Variants in SLC20A2 observed in about 807,000 individuals in gnomAD.
SLC20A2 encodes sodium-dependent phosphate transporter 2.
Under a neutral mutation model 61.0 loss-of-function variants are expected in SLC20A2, and 30 were observed. The ratio of observed to expected loss-of-function variants is 0.49; its 90% CI spans 0.37 to 0.67. SLC20A2 has a LOEUF of 0.67. SLC20A2 is among the 30% of genes least tolerant of loss of function. The probability of loss-of-function intolerance (pLI) is 0.00; values close to 1 mark genes in which losing one functional copy is unlikely to be tolerated. For synonymous variants in SLC20A2, 351 were observed against 353.3 expected (o/e 0.99, Z 0.07); for missense variants, 626 against 866.4 (o/e 0.72, Z 3.48).
chr8:42,489,504 A>G (rs1300235502), intron 1 of SLC20A2, among the ~76,000 whole-genome samples: 1 of 151,356 alleles, frequency 6.6e-6, no homozygotes. Context: ...TTCATTGAAA[A>G]CTGGATCTTT....
chr8:42,508,683 A>G (rs1302028538), intron 1 of SLC20A2, among the ~76,000 whole-genome samples: 2 of 151,992 alleles, frequency 1.3e-5, no homozygotes, highest in African/African-American at 4.8e-5. Context: ...GAGCCACCAC[A>G]CCCGGCCTGG....
chr8:42,437,422 C>G lies in SLC20A2; in HGVS notation c.1090G>C (p.Asp364His), dbSNP rs748895007. ...YKDLLHKIHI[D>H]RGPEEKPAQE... ...GCTGGCTTCTCCTCGGGGCCCCTGT[C>G]GATGTGGATTTTGTGCAGCAGATCT... Residue 364 changes from aspartate (D) to histidine (H), a missense_variant, in exon 8 of 11, where the codon GAC becomes CAC. This residue lies in a region of SLC20A2 where 361 missense variants were observed against 422.3 expected (regional missense o/e 0.85). Coordinates refer to ENST00000520262, the MANE Select transcript of SLC20A2 (RefSeq NM_001257180.2). This position sits in a 1 kb window ranked among gnomAD's most constrained non-coding sequence, Gnocchi z 6.4. 20 of 1,613,970 alleles carry G rather than the reference C, an allele frequency of 1.2e-5. No individual in the cohort carries two copies. Among genetic ancestry groups the G allele is most frequent in the Admixed American group, 3.3e-5 (2 of 59,994 alleles).
intron 10 of SLC20A2, among the ~76,000 whole-genome samples, chr8:42,422,421 G>A (rs1340580779): frequency 6.6e-6 from 1 of 152,180 alleles, no homozygotes; most frequent in East Asian, 1.9e-4. Context: ...TCGGTAAACA[G>A]ATTTCATTGT....
At chr8:42,432,008 G>C (rs370711337) in intron 8 of SLC20A2, among the ~76,000 whole-genome samples, 3 of 152,242 alleles carry the variant, frequency 2.0e-5, no homozygotes, top group African/African-American at 7.2e-5. Flanking sequence ...CACAGCATCT[G>C]TTCTGCAGCC....
intron 1 of SLC20A2, among the ~76,000 whole-genome samples, chr8:42,488,927 GGAGTT>G (rs1809274754): frequency 6.8e-6 from 1 of 146,884 alleles, no homozygotes; most frequent in South Asian, 2.2e-4. Context: ...TTGAGTTATA[GGAGTT>G]TTGTTTTTTT....
chr8:42,436,195 T>C (rs1294817609), intron 8 of SLC20A2, among the ~76,000 whole-genome samples: 1 of 152,114 alleles, frequency 6.6e-6, no homozygotes, highest in African/African-American at 2.4e-5. Context: ...TTCCTCGGTC[T>C]GTGCACTCTG....
At chr8:42,469,312 T>G (rs1156914252) in intron 2 of SLC20A2, among the ~76,000 whole-genome samples, 1 of 152,028 alleles carries the variant, frequency 6.6e-6, no homozygotes, top group African/African-American at 2.4e-5. Flanking sequence ...GGCTTTGAGA[T>G]TCATTTAACC....
intron 3 of SLC20A2, among the ~76,000 whole-genome samples, chr8:42,464,654 C>T (rs886248632): frequency 8.5e-5 from 13 of 152,124 alleles, no homozygotes; most frequent in Admixed American, 2.6e-4. Context: ...AACTGTCCAG[C>T]ACATAATAGT....
chr8:42,478,640 G>A (rs1808341305), intron 1 of SLC20A2, among the ~76,000 whole-genome samples: 1 of 152,174 alleles, frequency 6.6e-6, no homozygotes, highest in African/African-American at 2.4e-5. Flanking sequence ...TGTGCACCTT[G>A]AGTATGGTGG....
At chr8:42,457,352 C>T (rs1806290999) in intron 5 of SLC20A2, among the ~76,000 whole-genome samples, 1 of 152,166 alleles carries the variant, frequency 6.6e-6, no homozygotes, top group Non-Finnish European at 1.5e-5. Flanking sequence ...TGGGATTTCA[C>T]CTTCCTCCCA....
At chr8:42,467,228 T>C (rs1254299565) in intron 2 of SLC20A2, among the ~76,000 whole-genome samples, 1 of 152,228 alleles carries the variant, frequency 6.6e-6, no homozygotes. Context: ...TTTTTATTTG[T>C]GTGTCTGATT....
intron 1 of SLC20A2, among the ~76,000 whole-genome samples, chr8:42,532,923 A>G (rs1440684739): frequency 6.6e-6 from 1 of 152,290 alleles, no homozygotes; most frequent in East Asian, 1.9e-4. Context: ...AGAGGACGGA[A>G]AGACTAGGCT....
At chr8:42,436,260 C>G (rs1804244150) in intron 8 of SLC20A2, among the ~76,000 whole-genome samples, 1 of 152,168 alleles carries the variant, frequency 6.6e-6, no homozygotes, top group Non-Finnish European at 1.5e-5. Context: ...GTTACCTGCT[C>G]TGCACCCAGC....
intron 10 of SLC20A2, among the ~76,000 whole-genome samples, chr8:42,425,423 G>A (rs985509805): frequency 6.6e-5 from 10 of 152,200 alleles, no homozygotes; most frequent in Admixed American, 2.0e-4. Flanking sequence ...GGGGAAATAT[G>A]TGATATGAGA....
intron 2 of SLC20A2, among the ~76,000 whole-genome samples, chr8:42,471,664 A>C (rs1807651340): frequency 6.6e-6 from 1 of 152,214 alleles, no homozygotes; most frequent in African/African-American, 2.4e-5. Context: ...TATTTTTGAC[A>C]TCCAAGTTTT....
chr8:42,500,964 G>T (rs755955807), intron 1 of SLC20A2, 67 bp downstream of exon 1: 1 of 152,046 alleles, frequency 6.6e-6, no homozygotes, highest in Non-Finnish European at 1.5e-5. Flanking sequence ...TTACTATGAC[G>T]GTAACATTAG....
At chr8:42,475,325 C>G (rs1346031089) in intron 1 of SLC20A2, among the ~76,000 whole-genome samples, 3 of 152,044 alleles carry the variant, frequency 2.0e-5, no homozygotes, top group Non-Finnish European at 4.4e-5. Flanking sequence ...GTCTCAAACT[C>G]CTATCCTCAA....
At chr8:42,498,873 C>T (rs1252710104) in intron 1 of SLC20A2, among the ~76,000 whole-genome samples, 1 of 152,154 alleles carries the variant, frequency 6.6e-6, no homozygotes, top group Non-Finnish European at 1.5e-5. Flanking sequence ...AGGCAAGAGA[C>T]CCATTAAAAC....
chr8:42,445,447 C>T lies in SLC20A2; in HGVS notation c.614-685G>A, dbSNP rs535428771. Among the ~76,000 whole-genome samples the T allele has an allele frequency of 7.2e-5, 11 of 152,042 alleles. No individual in the cohort carries two copies. In the South Asian group the frequency reaches 2.1e-3, roughly 29 times the overall value. On this transcript the variant is annotated intron_variant, in intron 5 of 10. Transcript: ENST00000520262. Reference sequence around the variant, plus strand: ...GGCTGAGAAGGGAGTCAGCTGAGGTCGGGCATGATGGCTCCCGCCTATAAT... The same window carrying T: ...GGCTGAGAAGGGAGTCAGCTGAGGTTGGGCATGATGGCTCCCGCCTATAAT...
Sources: gnomAD v4.1 joint callset for allele counts (sites outside exome capture counted in the v4.1 genomes callset) on GRCh38, gnomAD v4.1.1 for gene constraint, gnomAD v4.1.1 regional missense constraint, Gnocchi (gnomAD v3.1) non-coding constraint, MANE v1.5 for transcripts, NCBI Gene and HGNC (gene_info 2026-07-23, HGNC 2026-07-21) for gene names.